Variants in NGFR observed in about 807,000 individuals in gnomAD.
The protein encoded by NGFR is nerve growth factor receptor.
Under a neutral mutation model 43.2 loss-of-function variants are expected in NGFR, and 30 were observed. That is an observed-to-expected ratio of 0.69 (90% CI 0.52 to 0.94). The LOEUF (loss-of-function observed/expected upper bound fraction) is 0.94, where lower values mean the gene tolerates loss of function less well. Among genes scored for constraint, NGFR ranks in the 40% least tolerant of loss-of-function variants. NGFR has a pLI of 0.00. For synonymous variants in NGFR, 246 were observed against 259.6 expected (o/e 0.95, Z 0.50); for missense variants, 529 against 602.5 (o/e 0.88, Z 1.28).
intron 2 of NGFR, among the ~76,000 whole-genome samples, chr17:49,505,208 C>G (rs2071189886): frequency 6.6e-6 from 1 of 152,158 alleles, no homozygotes; most frequent in Non-Finnish European, 1.5e-5. Context: ...TTGAGACCCC[C>G]CTACAGGCCT....
intron 4 of NGFR, 152 bp downstream of exon 4, chr17:49,510,816 G>A (rs536899385): frequency 5.2e-6 from 5 of 954,262 alleles, no homozygotes; most frequent in South Asian, 4.7e-5. Context: ...ACTCCAGGGT[G>A]CAGCAGGTCA....
intron 1 of NGFR, among the ~76,000 whole-genome samples, chr17:49,500,127 T>A (rs1295363565): frequency 1.3e-5 from 2 of 150,460 alleles, no homozygotes; most frequent in Non-Finnish European, 3.0e-5. Context: ...AACAAAAGAG[T>A]TTCCCTGTAT....
rs2071224456 is a variant in NGFR at position 49,510,518 on chromosome 17, C to T, written c.675C>T (p.Ala225=). The change falls in exon 4 of 6, where the codon GCC becomes GCT. Residue 225 remains alanine, a synonymous_variant. Transcript: ENST00000172229. The part of the protein sequence containing the change: ...PEAPPEQDLI[A]STVAGVVTTV... ...CACCTCCAGAACAAGACCTCATAGCCAGCACGGTGGCAGGTGTGGTGACCA... is the reference window on the plus strand; with the variant it reads ...CACCTCCAGAACAAGACCTCATAGCTAGCACGGTGGCAGGTGTGGTGACCA... 6 of 1,614,110 alleles carry T rather than the reference C, an allele frequency of 3.7e-6. No homozygotes were observed. Among genetic ancestry groups the T allele is most frequent in the Non-Finnish European group, 5.1e-6 (6 of 1,180,008 alleles).
chr17:49,502,959 G>A (rs1387031964), intron 2 of NGFR, among the ~76,000 whole-genome samples: 1 of 151,422 alleles, frequency 6.6e-6, no homozygotes, highest in Admixed American at 6.6e-5. Context: ...CTGTTGCCCA[G>A]GTTGGGAGTG....
chr17:49,510,780 C>T, intron 4 of NGFR, 116 bp downstream of exon 4: 3 of 1,306,894 alleles, frequency 2.3e-6, no homozygotes, highest in Non-Finnish European at 3.2e-6. Context: ...AAACCAAGCT[C>T]ATCCTCACTC....
At chr17:49,502,576 G>C (rs1005630871) in intron 2 of NGFR, among the ~76,000 whole-genome samples, 1 of 152,122 alleles carries the variant, frequency 6.6e-6, no homozygotes, top group African/African-American at 2.4e-5. Flanking sequence ...ACTTATCCCC[G>C]GTGTGTTTGG....
At chr17:49,505,244 C>T (rs1007691907) in intron 2 of NGFR, among the ~76,000 whole-genome samples, 2 of 152,152 alleles carry the variant, frequency 1.3e-5, no homozygotes, top group Non-Finnish European at 2.9e-5. Context: ...GGCGCTTTAG[C>T]CTTTCTGCTT....
intron 1 of NGFR, among the ~76,000 whole-genome samples, chr17:49,501,482 C>T (rs563423736): frequency 6.6e-6 from 1 of 152,300 alleles, no homozygotes; most frequent in South Asian, 2.1e-4. Flanking sequence ...AACCCAAGAC[C>T]CTGGCCCTCT....
In NGFR at chr17:49,506,465, C is replaced by T. The variant is rs1166346521; in HGVS notation, c.375C>T (p.Cys125=). 2 of 1,609,250 alleles carry T rather than the reference C, an allele frequency of 1.2e-6. No homozygotes were observed. Reference sequence around the variant, plus strand: ...AGACGACTGGGCGCTGCGAGGCGTGCCGCGTGTGCGAGGCGGGCTCGGGCC... The same window carrying T: ...AGACGACTGGGCGCTGCGAGGCGTGTCGCGTGTGCGAGGCGGGCTCGGGCC... ...QDETTGRCEA[C]RVCEAGSGLV... is the part of the protein sequence containing the mutation. The change falls in exon 3 of 6, where the codon TGC becomes TGT. Residue 125 remains cysteine, a synonymous_variant. Coordinates refer to ENST00000172229, the MANE Select transcript of NGFR (RefSeq NM_002507.4).
At chr17:49,505,678 C>G (rs927790056) in intron 2 of NGFR, 1 of 152,420 alleles carries the variant, frequency 6.6e-6, no homozygotes, top group African/African-American at 2.4e-5. Flanking sequence ...TTCAGTGGCT[C>G]CTGCCTTACC....
intron 1 of NGFR, chr17:49,497,920 C>T (rs2071148336): frequency 6.6e-6 from 1 of 152,340 alleles, no homozygotes; most frequent in South Asian, 2.1e-4. Flanking sequence ...CTCGCTTCTT[C>T]CCTGGGGGAC....
At chr17:49,510,751 A>G (rs1013655610) in intron 4 of NGFR, 87 bp downstream of exon 4, 3 of 1,522,730 alleles carry the variant, frequency 2.0e-6, no homozygotes, top group Non-Finnish European at 1.8e-6. Context: ...AAACATACAC[A>G]CCCTTTTAAC....
intron 2 of NGFR, among the ~76,000 whole-genome samples, chr17:49,504,646 C>T (rs2071185375): frequency 6.6e-6 from 1 of 152,078 alleles, no homozygotes; most frequent in African/African-American, 2.4e-5. Context: ...TCCAGATCTG[C>T]CTGCTCCTAG....
At chr17:49,508,125 C>T (rs1229276406) in intron 3 of NGFR, among the ~76,000 whole-genome samples, 1 of 152,228 alleles carries the variant, frequency 6.6e-6, no homozygotes, top group African/African-American at 2.4e-5. Context: ...GTTCTGTTGG[C>T]AATTGCCCTG....
intron 3 of NGFR, among the ~76,000 whole-genome samples, chr17:49,507,199 C>G (rs1001570820): frequency 6.6e-6 from 1 of 152,132 alleles, no homozygotes; most frequent in African/African-American, 2.4e-5. Context: ...CCTTGACTGA[C>G]GTTAGGGAGT....
At position 49,514,219 on chromosome 17, in the gene NGFR, C is replaced by G. The variant is rs1309721911; in HGVS notation, c.*1210C>G. 2 of 159,436 alleles carry G rather than the reference C, an allele frequency of 1.3e-5. No homozygotes were observed. The allele number at this position is 159,436 out of a possible 1,614,324, so 9.9% of individuals were successfully genotyped here. On this transcript the variant is annotated 3_prime_UTR_variant, in exon 6 of 6. Coordinates refer to ENST00000172229, the MANE Select transcript of NGFR (RefSeq NM_002507.4). ...CCCGGGTTTGGCGGGCCAAGGACTG[C>G]CGACCGAGGCTGGAGCTGGCGTCTG...
chr17:49,504,761 C>CTT (rs139385139), intron 2 of NGFR, among the ~76,000 whole-genome samples: 6,105 of 58,746 alleles, frequency 0.1, 181 homozygotes, highest in Non-Finnish European at 0.13. Context: ...CTTTTTCTTT[C>CTT]TTTCTTTCTT....
Position 49,514,095 on chromosome 17 carries a change from A to G in NGFR, c.*1086A>G, listed in dbSNP as rs1237918131. The G allele has an allele frequency of 1.3e-5, 2 of 152,530 alleles. No homozygotes were observed. Among genetic ancestry groups the G allele is most frequent in the Admixed American group, 1.3e-4 (2 of 15,300 alleles). 9.4% of individuals were successfully genotyped at this position (152,530 alleles called of 1,614,324 possible). ...AGGAGGAGAAATCTCACTTTTCTCC[A>G]TGAGTTTTTTCTCTTGGGCTGAGAC... On this transcript the variant is annotated 3_prime_UTR_variant, in exon 6 of 6. Transcript: ENST00000172229.
At position 49,512,138 on chromosome 17, in the gene NGFR, C is replaced by CG. The variant is rs932045527; in HGVS notation, c.982+93dup. The CG allele has an allele frequency of 3.1e-4, 457 of 1,479,380 alleles. No individual in the cohort carries two copies. The Admixed American group carries it at 3.3e-3, about 11-fold the overall frequency. The allele number at this position is 1,479,380 out of a possible 1,614,324, so 91.6% of individuals were successfully genotyped here. ...AAGATTAGACTCCAGGAAGGACTGT[C>CG]GGGGGGGCGGCAGGGCTGGCTCAGC... On this transcript the variant is annotated intron_variant, in intron 5 of 5. Coordinates refer to ENST00000172229, the MANE Select transcript of NGFR (RefSeq NM_002507.4). The surrounding 1 kb of genome is among the most constrained non-coding windows in gnomAD (Gnocchi z 5.2).
Sources: allele counts gnomAD v4.1 joint callset (sites outside exome capture counted in the v4.1 genomes callset), GRCh38; gene constraint gnomAD v4.1.1; non-coding constraint Gnocchi (gnomAD v3.1); transcripts MANE v1.5; gene names NCBI Gene and HGNC (gene_info 2026-07-23, HGNC 2026-07-21).